CHMP1A: variants seen among roughly 807,000 people sequenced by gnomAD.
The protein encoded by CHMP1A is VPS46 homolog A.
A neutral mutation model predicts 27.0 loss-of-function variants in CHMP1A; 17 were observed. That is an observed-to-expected ratio of 0.63 (90% CI 0.43 to 0.95). The LOEUF is 0.95. Ranked by LOEUF, CHMP1A falls within the 40% of genes least tolerant of loss-of-function variation. CHMP1A has a pLI of 0.00. For synonymous variants in CHMP1A, 131 were observed against 107.5 expected, an observed-to-expected ratio of 1.22 and a Z score of -1.35; for missense variants, 275 against 264.0, an observed-to-expected ratio of 1.04 and a Z score of -0.29.
At position 89,657,590 on chromosome 16, in the gene CHMP1A, G is replaced by A. The variant is rs551687906; in HGVS notation, c.-2C>T. The A allele has an allele frequency of 1.2e-6, 2 of 1,611,278 alleles. No homozygotes were observed. The highest frequency in any genetic ancestry group is 2.2e-5 in the South Asian group (2 of 91,022). On this transcript the variant is annotated 5_prime_UTR_variant, in exon 1 of 7. Transcript: ENST00000397901. ...CGGCCGCGACCTCTTACCGTCCATGGCCACAATGACAGGAGCAGCACTCGG... is the reference window on the plus strand; with the variant it reads ...CGGCCGCGACCTCTTACCGTCCATGACCACAATGACAGGAGCAGCACTCGG...
rs376691010 is a variant in CHMP1A, at chr16:89,651,590, C to T, written c.84G>A (p.Ala28=). The part of the protein sequence containing the change: ...LAKKAEKDSK[A]EQAKVKKALL... ...TCACCTTCTTCACTTTGGCCTGCTC[C>T]GCCTTGGAGTCCTTCTCCGCCTTCT... The change falls in exon 3 of 7, where the codon GCG becomes GCA. Residue 28 remains alanine, a synonymous_variant. Coordinates refer to ENST00000397901, the MANE Select transcript of CHMP1A (RefSeq NM_002768.5). 5.3e-5 allele frequency: 85 copies of T among 1,613,638 alleles called. No individual in the cohort carries two copies. Among genetic ancestry groups the T allele is most frequent in the East Asian group, 6.7e-5 (3 of 44,894 alleles).
chr16:89,654,097 T>C (rs571278943), intron 1 of CHMP1A, among the ~76,000 whole-genome samples, 174 bp from the exon 2 acceptor site: 2 of 152,258 alleles, frequency 1.3e-5, no homozygotes, highest in Admixed American at 1.3e-4. Context: ...CGAGACAGAT[T>C]CGTGTGCCAG....
intron 3 of CHMP1A, among the ~76,000 whole-genome samples, chr16:89,650,640 T>C (rs1326636447): frequency 6.6e-6 from 1 of 152,066 alleles, no homozygotes; most frequent in African/African-American, 2.4e-5. Context: ...ACCCCATCTC[T>C]ACTAAAAATA....
At chr16:89,657,520 C>T (rs1038206216) in intron 1 of CHMP1A, 62 bp downstream of exon 1, 1 of 1,597,946 alleles carries the variant, frequency 6.3e-7, no homozygotes, top group East Asian at 2.3e-5. Flanking sequence ...GGAGCCCACG[C>T]CAGTGGGAGA....
intron 4 of CHMP1A, 91 bp downstream of exon 4, chr16:89,649,260 A>G: frequency 6.8e-7 from 1 of 1,471,290 alleles, no homozygotes; most frequent in Non-Finnish European, 9.1e-7. Context: ...ACCTTCCGTC[A>G]ACTCTGAGCT....
chr16:89,651,755 A>C, intron 2 of CHMP1A, 109 bp from the exon 3 acceptor site: 1 of 1,074,176 alleles, frequency 9.3e-7, no homozygotes, highest in Non-Finnish European at 1.3e-6. Context: ...ACAGGTTCCT[A>C]AGCCCCCATC....
At chr16:89,655,812 G>A (rs2059860916) in intron 1 of CHMP1A, among the ~76,000 whole-genome samples, 2 of 152,164 alleles carry the variant, frequency 1.3e-5, no homozygotes, top group Admixed American at 6.5e-5. Context: ...TTTTAGAAGA[G>A]ACGGGGTTTC....
intron 5 of CHMP1A, 36 bp from the exon 6 acceptor site, chr16:89,646,750 G>A (rs1189798118): frequency 2.5e-6 from 4 of 1,593,938 alleles, no homozygotes; most frequent in African/African-American, 1.3e-5. Context: ...AACAGGTGGG[G>A]CCAGGCCCAT....
At chr16:89,649,614 T>C (rs1038954839) in intron 3 of CHMP1A, 117 bp from the exon 4 acceptor site, 4 of 1,290,858 alleles carry the variant, frequency 3.1e-6, no homozygotes, top group South Asian at 1.3e-5. Context: ...CTTGCTCTGT[T>C]GCCCAGGCTG....
chr16:89,656,212 C>T (rs2059867295), intron 1 of CHMP1A, among the ~76,000 whole-genome samples: 1 of 152,238 alleles, frequency 6.6e-6, no homozygotes, highest in African/African-American at 2.4e-5. Context: ...TCTCGGCTCA[C>T]TGCAAGCTCC....
chr16:89,657,608 G>T lies in CHMP1A; in HGVS notation c.-20C>A. ...GTCCATGGCCACAATGACAGGAGCAGCACTCGGAGAGGGAGAAGGGACGCC... is the reference window on the plus strand; with the variant it reads ...GTCCATGGCCACAATGACAGGAGCATCACTCGGAGAGGGAGAAGGGACGCC... On this transcript the variant is annotated 5_prime_UTR_variant, in exon 1 of 7. It adds an upstream start codon to the 5' untranslated region. Coordinates refer to ENST00000397901, the MANE Select transcript of CHMP1A (RefSeq NM_002768.5). 6.2e-7 allele frequency: 1 copy of T among 1,611,100 alleles called. No homozygotes were observed. The highest frequency in any genetic ancestry group is 1.1e-5 in the South Asian group (1 of 91,014).
At chr16:89,653,983 C>T in intron 1 of CHMP1A, 60 bp from the exon 2 acceptor site, 2 of 1,560,954 alleles carry the variant, frequency 1.3e-6, no homozygotes, top group East Asian at 2.2e-5. Flanking sequence ...ACACTTCTGG[C>T]AGGCAGGACT....
intron 5 of CHMP1A, 77 bp downstream of exon 5, chr16:89,647,126 G>A (rs1468490179): frequency 2.6e-6 from 4 of 1,562,930 alleles, no homozygotes; most frequent in Admixed American, 1.9e-5. Flanking sequence ...GTCAGCCTGT[G>A]AGCCACCCCT....
intron 2 of CHMP1A, among the ~76,000 whole-genome samples, chr16:89,652,913 G>A (rs548322326): frequency 8.6e-5 from 13 of 152,024 alleles, no homozygotes; most frequent in Non-Finnish European, 1.5e-4. Flanking sequence ...TCCACCCCAC[G>A]TGGGAGGAAT....
chr16:89,655,536 A>G (rs1270531464), intron 1 of CHMP1A, among the ~76,000 whole-genome samples: 1 of 152,176 alleles, frequency 6.6e-6, no homozygotes, highest in Admixed American at 6.5e-5. Flanking sequence ...AACCCAGCTA[A>G]GGCAAAATCT....
chr16:89,646,755 G>A, intron 5 of CHMP1A, 41 bp from the exon 6 acceptor site: 1 of 1,584,026 alleles, frequency 6.3e-7, no homozygotes, highest in Non-Finnish European at 8.6e-7. Flanking sequence ...GTGGGGCCAG[G>A]CCCATGGGGC....
At chr16:89,649,522 T>C in intron 3 of CHMP1A, 25 bp from the exon 4 acceptor site, 2 of 1,612,984 alleles carry the variant, frequency 1.2e-6, no homozygotes, top group Non-Finnish European at 1.7e-6. Flanking sequence ...GGAAAGCAGC[T>C]GGAAGAGCTT....
chr16:89,654,421 G>T (rs964413750), intron 1 of CHMP1A, among the ~76,000 whole-genome samples: 9 of 152,136 alleles, frequency 5.9e-5, no homozygotes, highest in Non-Finnish European at 4.4e-5. Context: ...CAATTTAAAA[G>T]TTCAGTACTT....
intron 2 of CHMP1A, among the ~76,000 whole-genome samples, chr16:89,652,193 C>T (rs1178368623): frequency 6.6e-6 from 1 of 152,170 alleles, no homozygotes. Flanking sequence ...GGGCCTCTGG[C>T]AACACCACAA....
Sources: allele counts gnomAD v4.1 joint callset (sites outside exome capture counted in the v4.1 genomes callset), GRCh38; gene constraint gnomAD v4.1.1; transcripts MANE v1.5; gene names NCBI Gene and HGNC (gene_info 2026-07-23, HGNC 2026-07-21).